GAB2: variants seen among roughly 807,000 people sequenced by gnomAD.
GAB2 encodes GRB2 associated binding protein 2.
Under a neutral mutation model 65.5 loss-of-function variants are expected in GAB2, and 26 were observed. The ratio of observed to expected loss-of-function variants is 0.40; its 90% CI spans 0.29 to 0.55. GAB2 has a LOEUF of 0.55. GAB2 is among the 20% of genes least tolerant of loss of function. The pLI is 0.53. For synonymous variants in GAB2, 321 were observed against 329.6 expected (o/e 0.97, Z 0.28); for missense variants, 884 against 875.8 (o/e 1.01, Z -0.12).
intron 1 of GAB2, chr11:78,341,915 T>C (rs1437916121): frequency 2.2e-5 from 22 of 983,470 alleles, no homozygotes; most frequent in Admixed American, 6.1e-5. Context: ...CTAAGTGCAA[T>C]GTTTAAAAAT....
At position 78,369,984 on chromosome 11, in the gene GAB2, G is replaced by A. The variant is rs1185240577; in HGVS notation, c.75+47662C>T. Among the ~76,000 whole-genome samples the A allele has an allele frequency of 3.3e-5, 5 of 152,204 alleles. No individual in the cohort carries two copies. In the East Asian group the frequency reaches 9.6e-4, roughly 29 times the overall value. ...TTAAAAAAGAAAATACTGGCCGGGC[G>A]CGGTGGCTCACGCCTGTAATCCCAG... On this transcript the variant is annotated intron_variant, in intron 1 of 9. Transcript: ENST00000361507.
rs569921719 is a variant in GAB2 at position 78,416,811 on chromosome 11, C to T, written c.75+835G>A. ...AAAAAAAAAAAAAGCCAGAACTCCA[C>T]GGCTCAGCGCCACGCTGTTCCACCT... On this transcript the variant is annotated intron_variant, in intron 1 of 9. Transcript: ENST00000361507. Among the ~76,000 whole-genome samples the T allele has an allele frequency of 1.5e-4, 23 of 151,390 alleles. No homozygotes were observed. In the South Asian group the frequency reaches 4.8e-3, roughly 32 times the overall value.
intron 1 of GAB2, among the ~76,000 whole-genome samples, chr11:78,348,428 G>T (rs376625791): frequency 2.0e-5 from 3 of 152,180 alleles, no homozygotes; most frequent in Non-Finnish European, 4.4e-5. Flanking sequence ...ATGGGCAAAA[G>T]ATTTGAACAG....
At chr11:78,338,020 A>G (rs1430985758) in intron 1 of GAB2, among the ~76,000 whole-genome samples, 1 of 152,212 alleles carries the variant, frequency 6.6e-6, no homozygotes, top group Non-Finnish European at 1.5e-5. Flanking sequence ...TAAACATATA[A>G]AAACAATACA....
At chr11:78,280,986 C>T (rs1344431992) in intron 1 of GAB2, 85 bp from the exon 2 acceptor site, 10 of 1,151,576 alleles carry the variant, frequency 8.7e-6, no homozygotes, top group Non-Finnish European at 1.3e-5. Flanking sequence ...ACAGGTCTTG[C>T]CCTGTTGCCC....
intron 2 of GAB2, among the ~76,000 whole-genome samples, chr11:78,259,033 C>T (rs1187514251): frequency 6.6e-6 from 1 of 152,032 alleles, no homozygotes; most frequent in Non-Finnish European, 1.5e-5. Context: ...CTACCCTCTA[C>T]CCTCTGGTAG....
chr11:78,234,703 G>T lies in GAB2; in HGVS notation c.621-7652C>A, dbSNP rs543002105. ...TTCTTCTAGTGATCTACAGGTTTTT[G>T]TCCTTTCACCAATACAACATTATCT... On this transcript the variant is annotated intron_variant, in intron 3 of 9. Coordinates refer to ENST00000361507, the MANE Select transcript of GAB2 (RefSeq NM_080491.3). 2.7e-3 allele frequency among the ~76,000 whole-genome samples: 409 copies of T among 151,168 alleles called. 3 individuals are homozygous for T. The highest frequency in any genetic ancestry group is 8.8e-3 in the African/African-American group (362 of 41,264).
intron 1 of GAB2, among the ~76,000 whole-genome samples, chr11:78,296,256 C>T (rs966575478): frequency 6.6e-6 from 1 of 152,160 alleles, no homozygotes; most frequent in Non-Finnish European, 1.5e-5. Flanking sequence ...GGGCTGGGGA[C>T]CCCTGCTCTA....
intron 8 of GAB2, among the ~76,000 whole-genome samples, chr11:78,221,445 TGAA>T (rs1426464162): frequency 6.6e-6 from 1 of 152,216 alleles, no homozygotes; most frequent in Non-Finnish European, 1.5e-5. Context: ...CCCCTGCTCT[TGAA>T]GACCATGACT....
intron 1 of GAB2, among the ~76,000 whole-genome samples, chr11:78,361,431 G>A (rs1266628438): frequency 2.0e-5 from 3 of 150,000 alleles, no homozygotes; most frequent in Non-Finnish European, 4.4e-5. Flanking sequence ...CCACACAAAT[G>A]CCTATGGACA....
At chr11:78,291,548 CTTTTTT>C (rs1866674946) in intron 1 of GAB2, among the ~76,000 whole-genome samples, 1 of 66,316 alleles carries the variant, frequency 1.5e-5, no homozygotes, top group South Asian at 5.1e-4. Flanking sequence ...GAGAGACTTA[CTTTTTT>C]CTTTTTCTTT....
chr11:78,275,664 T>C (rs1473508375), intron 2 of GAB2, among the ~76,000 whole-genome samples: 4 of 152,196 alleles, frequency 2.6e-5, no homozygotes, highest in African/African-American at 9.7e-5. Context: ...CTTGCTCTGA[T>C]AATTAGAACA....
At chr11:78,254,864 T>C (rs2134533035) in intron 2 of GAB2, among the ~76,000 whole-genome samples, 1 of 151,728 alleles carries the variant, frequency 6.6e-6, no homozygotes, top group African/African-American at 2.4e-5. Flanking sequence ...TTCAAAGCTG[T>C]TTTGGCACTA....
At chr11:78,394,004 A>G (rs1279444252) in intron 1 of GAB2, among the ~76,000 whole-genome samples, 2 of 152,236 alleles carry the variant, frequency 1.3e-5, no homozygotes, top group Non-Finnish European at 2.9e-5. Flanking sequence ...AAGCCATACT[A>G]TGGGCCAGGC....
intron 2 of GAB2, among the ~76,000 whole-genome samples, chr11:78,275,788 A>G (rs1866151238): frequency 6.6e-6 from 1 of 152,128 alleles, no homozygotes; most frequent in Admixed American, 6.6e-5. Flanking sequence ...ACACAGATAT[A>G]TATCTATATA....
intron 2 of GAB2, among the ~76,000 whole-genome samples, chr11:78,257,119 C>T (rs1228151209): frequency 6.6e-6 from 1 of 152,134 alleles, no homozygotes; most frequent in African/African-American, 2.4e-5. Flanking sequence ...ACTCCTCCCA[C>T]CTTCTTGCAA....
At chr11:78,336,124 G>C (rs1855993602) in intron 1 of GAB2, among the ~76,000 whole-genome samples, 1 of 151,788 alleles carries the variant, frequency 6.6e-6, no homozygotes, top group Non-Finnish European at 1.5e-5. Context: ...TACCAGCCTG[G>C]CTGACATGGT....
chr11:78,306,391 C>T (rs1386395870), intron 1 of GAB2, among the ~76,000 whole-genome samples: 5 of 152,186 alleles, frequency 3.3e-5, no homozygotes, highest in African/African-American at 7.2e-5. Context: ...CCGCCACGCC[C>T]GGCTAATTTT....
intron 1 of GAB2, among the ~76,000 whole-genome samples, chr11:78,414,764 A>T (rs551790553): frequency 6.6e-6 from 1 of 152,294 alleles, no homozygotes; most frequent in Admixed American, 6.5e-5. Flanking sequence ...ATTAACTAGA[A>T]AAGGCTGATG....
Sources: allele counts gnomAD v4.1 joint callset (sites outside exome capture counted in the v4.1 genomes callset), GRCh38; gene constraint gnomAD v4.1.1; transcripts MANE v1.5; gene names NCBI Gene and HGNC (gene_info 2026-07-23, HGNC 2026-07-21).